Variants in ST3GAL1 observed in about 807,000 individuals in gnomAD.
ST3GAL1 encodes the protein ST3 beta-galactoside alpha-2,3-sialyltransferase 1.
ST3GAL1 carries 16 observed loss-of-function variants against 34.1 expected under a neutral mutation model. The ratio of observed to expected loss-of-function variants is 0.47; its 90% CI spans 0.32 to 0.71. The LOEUF is 0.71. ST3GAL1 is among the 30% of genes least tolerant of loss of function. ST3GAL1 has a pLI of 0.04. For missense variants in ST3GAL1, 353 were observed against 447.4 expected, an observed-to-expected ratio of 0.79 and a Z score of 1.90; for synonymous variants, 191 against 184.7, an observed-to-expected ratio of 1.03 and a Z score of -0.28.
At chr8:133,496,398 G>T (rs912634576) in intron 3 of ST3GAL1, among the ~76,000 whole-genome samples, 2 of 152,166 alleles carry the variant, frequency 1.3e-5, no homozygotes, top group African/African-American at 4.8e-5. Flanking sequence ...CCAAGGTACT[G>T]CCCTTCCTTC....
At chr8:133,547,444 A>AT (rs1312829315) in intron 1 of ST3GAL1, among the ~76,000 whole-genome samples, 2 of 151,888 alleles carry the variant, frequency 1.3e-5, no homozygotes, top group Admixed American at 6.6e-5. Context: ...AATTATTTTT[A>AT]TTTTTTGTAG....
rs763836994 is a variant in ST3GAL1, at chr8:133,475,902, C to G, written c.123G>C (p.Gln41His). ...TMVATTWFPK[Q>H]MVLELSENLK... is the part of the protein sequence containing the mutation. ...GGTTCTCGGAGAGCTCCAGGACCAT[C>G]TGCTTGGGGAACCAGGTGGTGGCCA... is the stretch of plus-strand genomic sequence containing the variant. Residue 41 changes from glutamine (Q) to histidine (H), a missense_variant, in exon 5 of 10, where the codon CAG (glutamine) becomes CAC (histidine). Physicochemically the swap from Gln to His is conservative, Grantham distance 24. Transcript: ENST00000522652. 6.2e-7 allele frequency: 1 copy of G among 1,613,988 alleles called. No homozygotes were observed. Among genetic ancestry groups the G allele is most frequent in the East Asian group, 2.2e-5 (1 of 44,852 alleles).
chr8:133,463,659 G>T (rs574398617), intron 7 of ST3GAL1, among the ~76,000 whole-genome samples, 200 bp from the exon 8 acceptor site: 1 of 152,270 alleles, frequency 6.6e-6, no homozygotes, highest in African/African-American at 2.4e-5. Context: ...CCAGAGGACG[G>T]CCTTTCCTAA....
intron 2 of ST3GAL1, among the ~76,000 whole-genome samples, chr8:133,507,481 G>A (rs964327012): frequency 3.9e-5 from 6 of 152,194 alleles, no homozygotes; most frequent in South Asian, 4.1e-4. Context: ...TTCCCAGGAA[G>A]GTATTTCACC....
chr8:133,562,100 AAG>A (rs1819242217), intron 1 of ST3GAL1, among the ~76,000 whole-genome samples: 2 of 152,270 alleles, frequency 1.3e-5, no homozygotes, highest in East Asian at 3.9e-4. Context: ...AATAAAAAAA[AAG>A]AGAGACCTAC....
intron 2 of ST3GAL1, among the ~76,000 whole-genome samples, chr8:133,510,341 C>T (rs1174791356): frequency 6.6e-6 from 1 of 152,210 alleles, no homozygotes; most frequent in Non-Finnish European, 1.5e-5. Flanking sequence ...ACCATCACCC[C>T]TTCACCTCAC....
At chr8:133,509,003 C>T (rs1048810066) in intron 2 of ST3GAL1, among the ~76,000 whole-genome samples, 2 of 152,146 alleles carry the variant, frequency 1.3e-5, no homozygotes, top group Non-Finnish European at 2.9e-5. Context: ...AATTTGTCAG[C>T]TTGCAAATAG....
At chr8:133,540,113 G>A (rs1818422171) in intron 2 of ST3GAL1, among the ~76,000 whole-genome samples, 1 of 152,054 alleles carries the variant, frequency 6.6e-6, no homozygotes, top group East Asian at 1.9e-4. Flanking sequence ...CACGCCACTT[G>A]GATCCATCCT....
At chr8:133,470,342 C>A (rs541448537) in intron 5 of ST3GAL1, among the ~76,000 whole-genome samples, 15 of 152,040 alleles carry the variant, frequency 9.9e-5, no homozygotes, top group Non-Finnish European at 1.6e-4. Flanking sequence ...TCACTTGAAC[C>A]CAGGAGGCGG....
Position 133,471,149 on chromosome 8 carries a change from T to A in ST3GAL1, c.306+4570A>T, listed in dbSNP as rs138030973. Among the ~76,000 whole-genome samples, 45 of 152,156 alleles carry A rather than the reference T, an allele frequency of 3.0e-4. No individual in the cohort carries two copies. In the East Asian group the frequency reaches 6.0e-3, roughly 20 times the overall value. On this transcript the variant is annotated intron_variant, in intron 5 of 9. Transcript: ENST00000522652. ...GGCCTCACCGCAGGCCTCATTCCAA[T>A]CCCCAGCTGCTGTTGGTTTCCCTGG...
At chr8:133,475,237 C>T (rs147853276) in intron 5 of ST3GAL1, among the ~76,000 whole-genome samples, 124 of 152,326 alleles carry the variant, frequency 8.1e-4, no homozygotes, top group Middle Eastern at 3.4e-3. Context: ...CCAGGAACGC[C>T]CAGCACTGCC....
intron 1 of ST3GAL1, among the ~76,000 whole-genome samples, chr8:133,550,844 C>G (rs924966084): frequency 6.6e-6 from 1 of 152,192 alleles, no homozygotes; most frequent in Non-Finnish European, 1.5e-5. Context: ...ACCTGAGGCT[C>G]CTTTCTACTG....
chr8:133,566,804 G>A (rs1586675882), intron 1 of ST3GAL1, among the ~76,000 whole-genome samples: 2 of 152,120 alleles, frequency 1.3e-5, no homozygotes, highest in African/African-American at 2.4e-5. Context: ...TTTTATACAC[G>A]GGCATTCCAA....
At chr8:133,555,136 G>C (rs867366743) in intron 1 of ST3GAL1, among the ~76,000 whole-genome samples, 32 of 152,248 alleles carry the variant, frequency 2.1e-4, no homozygotes, top group Admixed American at 1.6e-3. Context: ...ACCCCCGCGG[G>C]GGACTGCTCA....
rs558300333 is a variant in ST3GAL1, at chr8:133,482,042, C to A, written c.-373-5442G>T. 2.4e-4 allele frequency among the ~76,000 whole-genome samples: 36 copies of A among 152,164 alleles called. 2 individuals carry two copies. The South Asian group carries it at 4.1e-3, about 18-fold the overall frequency. On this transcript the variant is annotated intron_variant, in intron 3 of 9. Coordinates refer to ENST00000522652, the MANE Select transcript of ST3GAL1 (RefSeq NM_173344.3). ...TTTGTTTCCCCACCTTGCGAGACTG[C>A]CAAACACTCTGAACTGCTGCTCTCT...
At position 133,497,616 on chromosome 8, in the gene ST3GAL1, G is replaced by C. The variant is rs184642698; in HGVS notation, c.-374+1519C>G. On this transcript the variant is annotated intron_variant, in intron 3 of 9. Coordinates refer to ENST00000522652, the MANE Select transcript of ST3GAL1 (RefSeq NM_173344.3). ...GCCTCCCGAGTAGCTGGGATTACAG[G>C]AGCCCGCCACCATGCCTGGCTAATT... Among the ~76,000 whole-genome samples the C allele has an allele frequency of 8.5e-4, 129 of 152,048 alleles. 3 individuals are homozygous for C. The East Asian group carries it at 0.022, about 25-fold the overall frequency.
intron 2 of ST3GAL1, among the ~76,000 whole-genome samples, chr8:133,545,434 C>T (rs112583588): frequency 6.6e-6 from 1 of 152,232 alleles, no homozygotes; most frequent in Non-Finnish European, 1.5e-5. Flanking sequence ...AGTGTCATGC[C>T]AGGCCTTCGT....
intron 2 of ST3GAL1, among the ~76,000 whole-genome samples, chr8:133,522,919 C>T (rs1440251447): frequency 6.6e-6 from 1 of 152,136 alleles, no homozygotes; most frequent in Non-Finnish European, 1.5e-5. Context: ...GAGCCTAGGG[C>T]AGAGAAGGTG....
intron 1 of ST3GAL1, among the ~76,000 whole-genome samples, chr8:133,548,285 C>T (rs1412115062): frequency 6.6e-6 from 1 of 152,174 alleles, no homozygotes; most frequent in Admixed American, 6.5e-5. Flanking sequence ...TAACTCAGGC[C>T]TCCCTCCCTT....
Sources: allele counts gnomAD v4.1 joint callset (sites outside exome capture counted in the v4.1 genomes callset), GRCh38; gene constraint gnomAD v4.1.1; transcripts MANE v1.5; gene names NCBI Gene and HGNC (gene_info 2026-07-23, HGNC 2026-07-21).